ENPP6: variants seen among roughly 807,000 people sequenced by gnomAD.
ENPP6 encodes the protein ectonucleotide pyrophosphatase/phosphodiesterase 6.
In ENPP6, 32 loss-of-function variants were observed where a neutral mutation model predicts 42.0. The ratio of observed to expected loss-of-function variants is 0.76; its 90% CI spans 0.58 to 1.02. The LOEUF is 1.02. Ranked by LOEUF, ENPP6 falls within the 50% of genes least tolerant of loss-of-function variation. The pLI is 0.00. For missense variants in ENPP6, 552 were observed against 566.8 expected, an observed-to-expected ratio of 0.97 and a Z score of 0.27; for synonymous variants, 213 against 216.0, an observed-to-expected ratio of 0.99 and a Z score of 0.12.
intron 6 of ENPP6, among the ~76,000 whole-genome samples, chr4:184,100,150 G>A (rs1222627109): frequency 1.3e-5 from 2 of 152,202 alleles, no homozygotes; most frequent in Non-Finnish European, 2.9e-5. Context: ...AAAAACAATT[G>A]CTCTTACTGA....
At chr4:184,182,835 C>T (rs1732573678) in intron 1 of ENPP6, among the ~76,000 whole-genome samples, 1 of 152,124 alleles carries the variant, frequency 6.6e-6, no homozygotes, top group African/African-American at 2.4e-5. Context: ...GGGAGGGGAA[C>T]AACACACACT....
In ENPP6 at chr4:184,113,920, T is replaced by TTTCTTTCTTTC. The variant is rs1491521668; in HGVS notation, c.856-1122_856-1112dup. On this transcript the variant is annotated intron_variant, in intron 5 of 7. Transcript: ENST00000296741. ...TTTCTTTTCTTTCTTTCTTTCTTTC[T>TTTCTTTCTTTC]TTCTTTCTTTCTTTCTTTCTTTCTT... 8.1e-5 allele frequency among the ~76,000 whole-genome samples: 11 copies of TTTCTTTCTTTC among 136,612 alleles called. No individual in the cohort carries two copies. In the East Asian group the frequency reaches 2.3e-3, roughly 28 times the overall value. 89.6% of individuals were successfully genotyped at this position (136,612 alleles called of 152,430 possible). A position where few individuals can be genotyped will look rare whatever the true frequency, so the allele number is the denominator to read the frequency against.
chr4:184,174,353 T>C (rs1205245046), intron 1 of ENPP6, among the ~76,000 whole-genome samples: 1 of 152,030 alleles, frequency 6.6e-6, no homozygotes, highest in Non-Finnish European at 1.5e-5. Context: ...AGTGGGGGCA[T>C]CAGTGAACCA....
chr4:184,199,765 G>T (rs1399158809), intron 1 of ENPP6, among the ~76,000 whole-genome samples: 3 of 152,154 alleles, frequency 2.0e-5, no homozygotes, highest in Admixed American at 6.5e-5. Context: ...TACAAAACAG[G>T]TCGAATTGGA....
intron 2 of ENPP6, among the ~76,000 whole-genome samples, chr4:184,144,225 G>T (rs1736880321): frequency 6.6e-6 from 1 of 152,216 alleles, no homozygotes; most frequent in Non-Finnish European, 1.5e-5. Flanking sequence ...AATTTAATAT[G>T]TGGGTACCTA....
rs1030102599 is a variant in ENPP6, at chr4:184,097,352, G to A, written c.1010C>T (p.Pro337Leu). The A allele has an allele frequency of 8.7e-6, 14 of 1,614,146 alleles. No homozygotes were observed. In the Middle Eastern group the frequency reaches 9.9e-4, roughly 114 times the overall value. Residue 337 changes from proline to leucine, a missense_variant, in exon 7 of 8, where the codon CCG becomes CTG. This residue lies in a region of ENPP6 where 545 missense variants were observed against 546.3 expected (regional missense o/e 1.00). Coordinates refer to ENST00000296741, the MANE Select transcript of ENPP6 (RefSeq NM_153343.4). ...CCTGCCGGTGCTGTTCATCCAAAAC[G>A]GAAGCATCTCTCGATTCTGAAACCA... Reference protein sequence around the residue: ...WFITENREMLPFWMNSTGRRE... With the variant: ...WFITENREMLLFWMNSTGRRE...
chr4:184,167,261 A>T (rs1393417858), intron 1 of ENPP6, among the ~76,000 whole-genome samples: 1 of 152,190 alleles, frequency 6.6e-6, no homozygotes, highest in African/African-American at 2.4e-5. Context: ...GATTACAGGC[A>T]TCCACCACCA....
chr4:184,148,188 G>A (rs534070256), intron 2 of ENPP6, among the ~76,000 whole-genome samples: 1 of 152,214 alleles, frequency 6.6e-6, no homozygotes, highest in African/African-American at 2.4e-5. Context: ...GGTGAGGAGG[G>A]TCTGTATCTG....
chr4:184,120,229 G>A (rs886094562), intron 3 of ENPP6, among the ~76,000 whole-genome samples: 12 of 152,268 alleles, frequency 7.9e-5, no homozygotes, highest in African/African-American at 2.9e-4. Context: ...ACAGGGAGGA[G>A]GGTCCAGGCC....
intron 7 of ENPP6, 107 bp downstream of exon 7, chr4:184,097,138 A>T: frequency 2.6e-6 from 4 of 1,510,242 alleles, no homozygotes; most frequent in Non-Finnish European, 3.6e-6. Context: ...GCTCATAAAG[A>T]GGGTCTGTAA....
Position 184,217,793 on chromosome 4 carries a change from C to T in ENPP6, c.27G>A (p.Leu9=), listed in dbSNP as rs370694402. Residue 9 remains leucine, a synonymous_variant, in exon 1 of 8, where the codon CTG becomes CTA. Coordinates refer to ENST00000296741, the MANE Select transcript of ENPP6 (RefSeq NM_153343.4). MAVKLGTL[L]LALALGLAQP... ...GGGCCAGGCCCAGGGCAAGGGCCAG[C>T]AGGAGGGTCCCAAGCTTCACTGCCA... 4 of 1,613,624 alleles carry T rather than the reference C, an allele frequency of 2.5e-6. No homozygotes were observed. The highest frequency in any genetic ancestry group is 2.5e-6 in the Non-Finnish European group (3 of 1,179,998).
At chr4:184,200,775 A>G (rs565199881) in intron 1 of ENPP6, among the ~76,000 whole-genome samples, 34 of 152,064 alleles carry the variant, frequency 2.2e-4, no homozygotes, top group African/African-American at 8.0e-4. Flanking sequence ...ACCAAAGGTG[A>G]CTCCCGGGGG....
chr4:184,137,650 G>C (rs1736751791), intron 2 of ENPP6, among the ~76,000 whole-genome samples: 1 of 152,230 alleles, frequency 6.6e-6, no homozygotes, highest in South Asian at 2.1e-4. Flanking sequence ...AAGCTTAGCT[G>C]TGTCTTTATG....
At chr4:184,205,389 G>C (rs894904267) in intron 1 of ENPP6, among the ~76,000 whole-genome samples, 1 of 152,238 alleles carries the variant, frequency 6.6e-6, no homozygotes, top group Non-Finnish European at 1.5e-5. Context: ...AGAATGCAGC[G>C]ATGCCCAGCT....
intron 2 of ENPP6, among the ~76,000 whole-genome samples, chr4:184,152,557 A>C (rs1737073721): frequency 6.6e-6 from 1 of 152,140 alleles, no homozygotes; most frequent in South Asian, 2.1e-4. Context: ...AATGGCCATC[A>C]TCAGGATGAC....
chr4:184,169,256 G>A (rs867841745), intron 1 of ENPP6, among the ~76,000 whole-genome samples: 56 of 152,068 alleles, frequency 3.7e-4, no homozygotes, highest in African/African-American at 1.3e-3. Flanking sequence ...CCGCATTCCT[G>A]CCACAGTGAC....
intron 6 of ENPP6, chr4:184,112,457 G>A (rs1251546161): frequency 1.9e-6 from 1 of 536,800 alleles, no homozygotes; most frequent in Non-Finnish European, 3.2e-6. Flanking sequence ...CTGGAGCCAC[G>A]AAGTCTAAAC....
intron 6 of ENPP6, among the ~76,000 whole-genome samples, chr4:184,106,278 G>T (rs949727567): frequency 1.8e-4 from 28 of 151,716 alleles, no homozygotes; most frequent in Non-Finnish European, 3.4e-4. Flanking sequence ...CAGGTGATCC[G>T]CCTGCCTCAG....
chr4:184,103,548 G>C (rs1287871822), intron 6 of ENPP6, among the ~76,000 whole-genome samples: 2 of 152,218 alleles, frequency 1.3e-5, no homozygotes, highest in Non-Finnish European at 2.9e-5. Flanking sequence ...GTCATGGGTG[G>C]CTTCAGTGAA....
Sources: allele counts gnomAD v4.1 joint callset (sites outside exome capture counted in the v4.1 genomes callset), GRCh38; gene constraint gnomAD v4.1.1; regional missense constraint gnomAD v4.1.1; transcripts MANE v1.5; gene names NCBI Gene and HGNC (gene_info 2026-07-23, HGNC 2026-07-21).